Variants in TNRC6B observed in about 807,000 individuals in gnomAD.
TNRC6B encodes trinucleotide repeat containing adaptor 6B.
TNRC6B carries 52 observed loss-of-function variants against 203.6 expected under a neutral mutation model. The observed-to-expected ratio is 0.26, with a 90% confidence interval of 0.20 to 0.32. The LOEUF (loss-of-function observed/expected upper bound fraction) is 0.32. Among genes scored for constraint, TNRC6B ranks in the 10% least tolerant of loss-of-function variants. The pLI is 1.00. For missense variants in TNRC6B, 1,923 were observed against 2,286.2 expected, an observed-to-expected ratio of 0.84 and a Z score of 3.24; for synonymous variants, 838 against 845.7, an observed-to-expected ratio of 0.99 and a Z score of 0.16.
chr22:40,051,974 T>C (rs1232815160), intron 1 of TNRC6B, among the ~76,000 whole-genome samples: 1 of 152,244 alleles, frequency 6.6e-6, no homozygotes, highest in Non-Finnish European at 1.5e-5. Flanking sequence ...TTTCAAGTGC[T>C]CAGTAGCCAC....
intron 13 of TNRC6B, 122 bp downstream of exon 13, chr22:40,300,708 C>A: frequency 7.4e-7 from 1 of 1,348,342 alleles, no homozygotes; most frequent in Non-Finnish European, 1.0e-6. Flanking sequence ...GTCCACACTT[C>A]TTTGCAAACT....
rs190065572 is a variant in TNRC6B, at chr22:40,157,924, A to G, written c.113+1742A>G. Among the ~76,000 whole-genome samples, 325 of 152,278 alleles carry G rather than the reference A, an allele frequency of 2.1e-3. 2 individuals are homozygous for G. The highest frequency in any genetic ancestry group is 6.7e-3 in the African/African-American group (280 of 41,566). On this transcript the variant is annotated intron_variant, in intron 4 of 23. Transcript: ENST00000301923. The stretch of plus-strand genomic sequence containing the variant: ...CCATGGTAATGCAGCTTGAAATGCA[A>G]TTTAGATTTGAACCCAGATCTTACC...
chr22:40,208,144 G>T (rs142641378), intron 1 of TNRC6B, among the ~76,000 whole-genome samples: 16 of 140,894 alleles, frequency 1.1e-4, no homozygotes, highest in East Asian at 4.4e-4. Context: ...AAAAAAACAA[G>T]AAAAAAACAA....
chr22:40,132,977 T>A (rs941213319), intron 3 of TNRC6B, among the ~76,000 whole-genome samples: 9 of 119,548 alleles, frequency 7.5e-5, no homozygotes, highest in South Asian at 3.1e-4. Context: ...AAAATATATA[T>A]ATATATATAT....
intron 9 of TNRC6B, among the ~76,000 whole-genome samples, chr22:40,279,500 A>G (rs565309271): frequency 1.3e-5 from 2 of 152,294 alleles, no homozygotes; most frequent in African/African-American, 4.8e-5. Flanking sequence ...TCAGCTCTTA[A>G]GTTCTAAATT....
chr22:40,158,653 C>T (rs2068841657), intron 4 of TNRC6B, among the ~76,000 whole-genome samples: 1 of 152,114 alleles, frequency 6.6e-6, no homozygotes, highest in Non-Finnish European at 1.5e-5. Context: ...TGCCATGTGT[C>T]GTATCCTTAC....
intron 1 of TNRC6B, among the ~76,000 whole-genome samples, chr22:40,095,402 A>G (rs1181797935): frequency 6.6e-6 from 1 of 152,142 alleles, no homozygotes; most frequent in African/African-American, 2.4e-5. Flanking sequence ...AGTGAGGTAT[A>G]AAAGGTGTGC....
intron 3 of TNRC6B, among the ~76,000 whole-genome samples, chr22:40,133,431 T>C (rs2146331528): frequency 6.6e-6 from 1 of 152,334 alleles, no homozygotes; most frequent in African/African-American, 2.4e-5. Flanking sequence ...AGACATGGTC[T>C]CTGCATTTCG....
At chr22:40,263,297 C>G (rs900604288) in intron 4 of TNRC6B, among the ~76,000 whole-genome samples, 21 of 152,206 alleles carry the variant, frequency 1.4e-4, no homozygotes, top group African/African-American at 4.3e-4. Flanking sequence ...TGGTCACCAT[C>G]TTGCTGTGTG....
Position 40,178,044 on chromosome 22 carries a change from T to C in TNRC6B, c.-92T>C. 6.3e-7 allele frequency: 1 copy of C among 1,582,272 alleles called. No individual in the cohort carries two copies. The highest frequency in any genetic ancestry group is 8.5e-7 in the Non-Finnish European group (1 of 1,170,180). On this transcript the variant is annotated 5_prime_UTR_variant, in exon 1 of 23. Transcript: ENST00000454349. The stretch of plus-strand genomic sequence containing the variant: ...AATATTTAAAATACAAAAAAACAGA[T>C]AGACAAAAAGAATTCATTTTTTGGA...
At chr22:40,237,975 G>T (rs1384170998) in intron 1 of TNRC6B, among the ~76,000 whole-genome samples, 1 of 152,070 alleles carries the variant, frequency 6.6e-6, no homozygotes. Flanking sequence ...TCACAGGTCA[G>T]TGCGTGGCAT....
At chr22:40,210,833 T>C (rs2069551451) in intron 1 of TNRC6B, among the ~76,000 whole-genome samples, 1 of 152,162 alleles carries the variant, frequency 6.6e-6, no homozygotes, top group Admixed American at 6.5e-5. Context: ...GAAATGACAT[T>C]TGGGGCTGGG....
intron 15 of TNRC6B, among the ~76,000 whole-genome samples, chr22:40,308,048 C>T (rs139911): frequency 0.67 from 101,437 of 152,064 alleles, 35,776 homozygotes; most frequent in African/African-American, 0.91. Context: ...AGTCAGAGCT[C>T]TGTACTTGGT....
In TNRC6B at chr22:40,058,408, G is replaced by GCACAATGTGCTTTAGCACAATGTGA. The variant is rs145419081; in HGVS notation, c.-121+13430_-121+13454dup. Among the ~76,000 whole-genome samples the GCACAATGTGCTTTAGCACAATGTGA allele has an allele frequency of 3.0e-3, 334 of 111,924 alleles. 4 individuals are homozygous for GCACAATGTGCTTTAGCACAATGTGA. The highest frequency in any genetic ancestry group is 0.013 in the Middle Eastern group (3 of 228). 73.4% of individuals were successfully genotyped at this position (111,924 alleles called of 152,430 possible). ...AAAACTTGTGACTCAATGTGCTTTAGCACAATGTGCTTTAGCACAATGTGA... is the reference window on the plus strand; with the variant it reads ...AAAACTTGTGACTCAATGTGCTTTAGCACAATGTGCTTTAGCACAATGTGACACAATGTGCTTTAGCACAATGTGA... On this transcript the variant is annotated intron_variant, in intron 1 of 23. Coordinates refer to the TNRC6B transcript ENST00000301923.
intron 1 of TNRC6B, among the ~76,000 whole-genome samples, chr22:40,087,901 A>G (rs568088625): frequency 5.4e-4 from 82 of 152,264 alleles, no homozygotes; most frequent in Admixed American, 3.3e-3. Flanking sequence ...GACCCAGACT[A>G]GAGACCAGAC....
At chr22:40,123,894 CTTT>C (rs58632540) in intron 2 of TNRC6B, among the ~76,000 whole-genome samples, 6 of 135,872 alleles carry the variant, frequency 4.4e-5, no homozygotes, top group East Asian at 2.2e-4. Context: ...AGAAAGAGAA[CTTT>C]TTTTTTTTTT....
At chr22:40,236,935 C>G (rs532506113) in intron 1 of TNRC6B, among the ~76,000 whole-genome samples, 2 of 152,068 alleles carry the variant, frequency 1.3e-5, no homozygotes, top group Non-Finnish European at 2.9e-5. Flanking sequence ...GAGGTCGAGG[C>G]GGGCGGATTA....
intron 3 of TNRC6B, among the ~76,000 whole-genome samples, chr22:40,139,362 C>T (rs1486238440): frequency 7.4e-6 from 1 of 135,300 alleles, no homozygotes; most frequent in Non-Finnish European, 1.5e-5. Context: ...GAGTCTTGCT[C>T]TATGGCCCAG....
chr22:40,053,322 T>C (rs1369458008), intron 1 of TNRC6B, among the ~76,000 whole-genome samples: 1 of 152,220 alleles, frequency 6.6e-6, no homozygotes, highest in Non-Finnish European at 1.5e-5. Context: ...TCCATAATTA[T>C]TGTAATTAAT....
Sources: gnomAD v4.1 joint callset for allele counts (sites outside exome capture counted in the v4.1 genomes callset) on GRCh38, gnomAD v4.1.1 for gene constraint, MANE v1.5 for transcripts, NCBI Gene and HGNC (gene_info 2026-07-23, HGNC 2026-07-21) for gene names.